Variants in ARHGAP24 observed in about 807,000 individuals in gnomAD.
The protein encoded by ARHGAP24 is rho GTPase-activating protein 24.
In ARHGAP24, 50 loss-of-function variants were observed where a neutral mutation model predicts 76.4. The ratio of observed to expected loss-of-function variants is 0.65; its 90% CI spans 0.52 to 0.83. The LOEUF (loss-of-function observed/expected upper bound fraction) is 0.83, where lower values mean the gene tolerates loss of function less well. Ranked by LOEUF, ARHGAP24 falls within the 40% of genes least tolerant of loss-of-function variation. The pLI is 0.00. For missense variants in ARHGAP24, 930 were observed against 914.2 expected (o/e 1.02, Z -0.22); for synonymous variants, 345 against 323.3 (o/e 1.07, Z -0.72).
chr4:85,772,788 A>G (rs1049536578), intron 3 of ARHGAP24, among the ~76,000 whole-genome samples: 4 of 152,184 alleles, frequency 2.6e-5, no homozygotes, highest in Non-Finnish European at 4.4e-5. Flanking sequence ...AGGAAACCTA[A>G]TTTTCTGCCC....
At position 85,875,698 on chromosome 4, in the gene ARHGAP24, T is replaced by TATAAAATATAA. The variant is rs548118679; in HGVS notation, c.269-47950_269-47949insATAAAATATAA. ...TTATATATAAATATTAAAAATAATA[T>TATAAAATATAA]TTATATATAATTTATATATAAAAAT... On this transcript the variant is annotated intron_variant, in intron 3 of 9. Transcript: ENST00000395184. Among the ~76,000 whole-genome samples the TATAAAATATAA allele has an allele frequency of 7.7e-3, 1,028 of 134,300 alleles. 12 individuals are homozygous for TATAAAATATAA. Among genetic ancestry groups the TATAAAATATAA allele is most frequent in the East Asian group, 0.035 (175 of 4,938 alleles). The allele number at this position is 134,300 out of a possible 152,430, so 88.1% of individuals were successfully genotyped here. A position where few individuals can be genotyped will look rare whatever the true frequency, so the allele number is the denominator to read the frequency against.
At chr4:85,555,830 G>A (rs1446320566) in intron 1 of ARHGAP24, among the ~76,000 whole-genome samples, 3 of 151,772 alleles carry the variant, frequency 2.0e-5, no homozygotes, top group Non-Finnish European at 4.4e-5. Flanking sequence ...TCAAGCCAGG[G>A]GGCCCTGCAT....
intron 3 of ARHGAP24, among the ~76,000 whole-genome samples, chr4:85,831,018 G>A (rs963703459): frequency 4.6e-5 from 7 of 152,090 alleles, no homozygotes; most frequent in African/African-American, 1.7e-4. Context: ...GTCATTCTTG[G>A]CCCCTGCCAC....
intron 1 of ARHGAP24, among the ~76,000 whole-genome samples, chr4:85,541,952 T>C (rs1725722392): frequency 6.6e-6 from 1 of 152,210 alleles, no homozygotes; most frequent in South Asian, 2.1e-4. Context: ...CTTAGAGTTT[T>C]ATATATGTAT....
intron 2 of ARHGAP24, among the ~76,000 whole-genome samples, chr4:85,598,978 CTT>C (rs1014659296): frequency 6.6e-6 from 1 of 151,670 alleles, no homozygotes; most frequent in African/African-American, 2.4e-5. Flanking sequence ...TTATATAAAA[CTT>C]AATAAGATAT....
chr4:85,897,526 A>G (rs1028517453), intron 3 of ARHGAP24, among the ~76,000 whole-genome samples: 6 of 152,192 alleles, frequency 3.9e-5, no homozygotes, highest in Non-Finnish European at 8.8e-5. Flanking sequence ...TTCTGATACA[A>G]GTCATAATTT....
rs369809332 is a variant in ARHGAP24 at position 85,603,341 on chromosome 4, G to A, written c.180+32620G>A. ...GTTATTCTTTTTCCTATCTGCTGCCGACAGTTGCAGCTTAGCTGTGACGCA... is the reference window on the plus strand; with the variant it reads ...GTTATTCTTTTTCCTATCTGCTGCCAACAGTTGCAGCTTAGCTGTGACGCA... On this transcript the variant is annotated intron_variant, in intron 2 of 9. Transcript: ENST00000395184. Among the ~76,000 whole-genome samples the A allele has an allele frequency of 1.4e-4, 21 of 152,208 alleles. No individual in the cohort carries two copies. In the East Asian group the frequency reaches 2.1e-3, roughly 15 times the overall value.
chr4:85,883,432 TATG>T (rs1733370222), intron 3 of ARHGAP24, among the ~76,000 whole-genome samples: 1 of 152,146 alleles, frequency 6.6e-6, no homozygotes, highest in South Asian at 2.1e-4. Context: ...GAAAATGCAC[TATG>T]ATAAGAGACT....
chr4:85,627,860 G>T (rs188616705), intron 2 of ARHGAP24, among the ~76,000 whole-genome samples: 1 of 152,188 alleles, frequency 6.6e-6, no homozygotes, highest in South Asian at 2.1e-4. Context: ...CTCCGTGGGC[G>T]TAGGACCCTC....
intron 3 of ARHGAP24, among the ~76,000 whole-genome samples, chr4:85,757,258 G>A (rs1176721004): frequency 6.9e-6 from 1 of 144,150 alleles, no homozygotes; most frequent in African/African-American, 2.6e-5. Flanking sequence ...GGGTACATGT[G>A]CAGAACATGC....
chr4:85,918,347 A>G (rs1045014540), intron 3 of ARHGAP24, among the ~76,000 whole-genome samples: 11 of 151,994 alleles, frequency 7.2e-5, no homozygotes, highest in African/African-American at 2.7e-4. Flanking sequence ...AATATTATCC[A>G]TATGTCTATA....
intron 5 of ARHGAP24, among the ~76,000 whole-genome samples, 181 bp from the exon 6 acceptor site, chr4:85,971,855 C>A (rs1228810955): frequency 6.6e-6 from 1 of 152,126 alleles, no homozygotes; most frequent in Non-Finnish European, 1.5e-5. Flanking sequence ...TCTAGGCCTT[C>A]TTCTCCCCAC....
intron 5 of ARHGAP24, among the ~76,000 whole-genome samples, chr4:85,956,848 C>T (rs921858399): frequency 2.0e-5 from 3 of 152,110 alleles, no homozygotes; most frequent in African/African-American, 7.2e-5. Context: ...CTAACAAACA[C>T]GGACCAGAAG....
chr4:85,915,006 A>T (rs976049749), intron 3 of ARHGAP24, among the ~76,000 whole-genome samples: 1 of 152,238 alleles, frequency 6.6e-6, no homozygotes, highest in Admixed American at 6.5e-5. Context: ...TAAATTCTAG[A>T]TACTTTAGCT....
intron 3 of ARHGAP24, among the ~76,000 whole-genome samples, chr4:85,812,034 G>T (rs1729036553): frequency 6.6e-6 from 1 of 152,070 alleles, no homozygotes; most frequent in Non-Finnish European, 1.5e-5. Flanking sequence ...AAATTAGCCA[G>T]GCATGGTGGT....
At chr4:85,724,831 T>C (rs1725109921) in intron 3 of ARHGAP24, among the ~76,000 whole-genome samples, 1 of 152,162 alleles carries the variant, frequency 6.6e-6, no homozygotes. Flanking sequence ...GCTCCAAATT[T>C]TTCCTATTTC....
intron 2 of ARHGAP24, among the ~76,000 whole-genome samples, chr4:85,709,239 A>T (rs143079176): frequency 8.4e-4 from 128 of 152,218 alleles, no homozygotes; most frequent in Non-Finnish European, 1.5e-3. Flanking sequence ...TGGGAAGTAA[A>T]ATTTTGCTGA....
At chr4:85,813,781 CCAT>C (rs1729111353) in intron 3 of ARHGAP24, among the ~76,000 whole-genome samples, 1 of 142,916 alleles carries the variant, frequency 7.0e-6, no homozygotes, top group Admixed American at 7.1e-5. Flanking sequence ...ATTAGCATAT[CCAT>C]CAACTTAGTT....
intron 3 of ARHGAP24, among the ~76,000 whole-genome samples, chr4:85,734,433 C>G (rs1725528008): frequency 6.6e-6 from 1 of 151,766 alleles, no homozygotes; most frequent in Admixed American, 6.6e-5. Context: ...AGTGGTACAC[C>G]AATGCTTTAA....
Sources: allele counts gnomAD v4.1 joint callset (sites outside exome capture counted in the v4.1 genomes callset), GRCh38; gene constraint gnomAD v4.1.1; transcripts MANE v1.5; gene names NCBI Gene and HGNC (gene_info 2026-07-23, HGNC 2026-07-21).